BAZ2B: variants seen among roughly 807,000 people sequenced by gnomAD.
BAZ2B encodes bromodomain adjacent to zinc finger domain protein 2B.
In BAZ2B, 91 loss-of-function variants were observed where a neutral mutation model predicts 246.0. That is an observed-to-expected ratio of 0.37 (90% confidence interval 0.31 to 0.44). The LOEUF (loss-of-function observed/expected upper bound fraction) is 0.44. BAZ2B is among the 20% of genes least tolerant of loss of function. BAZ2B has a pLI of 1.00. For missense variants in BAZ2B, 2,332 were observed against 2,533.7 expected, an observed-to-expected ratio of 0.92 and a Z score of 1.71; for synonymous variants, 855 against 860.0, an observed-to-expected ratio of 0.99 and a Z score of 0.10.
chr2:159,634,173 GCA>G, the BAZ2B span, among the ~76,000 whole-genome samples: 69 of 152,198 alleles, frequency 4.5e-4, no homozygotes, highest in Non-Finnish European at 2.2e-4. Context: ...TCTAGGAATA[GCA>G]CAGTGTGAGA....
At chr2:159,702,609 G>A in the BAZ2B span, among the ~76,000 whole-genome samples, 6 of 152,138 alleles carry the variant, frequency 3.9e-5, no homozygotes, top group Non-Finnish European at 7.4e-5. Flanking sequence ...ACAAGAAAGT[G>A]AAGCCTAATG....
At position 159,491,742 on chromosome 2, in the gene BAZ2B, A is replaced by T. The variant is rs1038649143; in HGVS notation, c.-2-13021T>A. Among the ~76,000 whole-genome samples the T allele has an allele frequency of 5.5e-4, 81 of 147,530 alleles. 5 individuals are homozygous for T. Among genetic ancestry groups the T allele is most frequent in the Admixed American group, 1.8e-3 (27 of 14,906 alleles). ...TCTCAAAAAAAAAAAAAAAAAAAAA[A>T]AAAAGTCTTCTGTTAAAGGTTATAG... On this transcript the variant is annotated intron_variant, in intron 2 of 36. Coordinates refer to ENST00000392783, the MANE Select transcript of BAZ2B (RefSeq NM_013450.4).
At chr2:159,347,675 AT>A in intron 30 of BAZ2B, 29 bp from the exon 31 acceptor site, 1 of 1,543,944 alleles carries the variant, frequency 6.5e-7, no homozygotes, top group African/African-American at 1.4e-5. Flanking sequence ...TAATTTAAAA[AT>A]CCACTTATTA....
chr2:159,423,345 T>C (rs2069137265), intron 13 of BAZ2B, among the ~76,000 whole-genome samples: 1 of 98,196 alleles, frequency 1.0e-5, no homozygotes, highest in Non-Finnish European at 2.5e-5. Context: ...GAATGGCTAT[T>C]ATTAAAATGT....
intron 2 of BAZ2B, among the ~76,000 whole-genome samples, chr2:159,503,495 A>T (rs2082038984): frequency 6.6e-6 from 1 of 152,150 alleles, no homozygotes; most frequent in Non-Finnish European, 1.5e-5. Flanking sequence ...CTTTCCTGTT[A>T]ATCTTGTGTA....
chr2:159,436,737 C>T (rs777643852), intron 8 of BAZ2B, among the ~76,000 whole-genome samples: 4 of 151,676 alleles, frequency 2.6e-5, no homozygotes, highest in African/African-American at 9.7e-5. Context: ...GGCAACAGAG[C>T]GAGACTCTGT....
In BAZ2B at chr2:159,560,180, T is replaced by C. The variant is rs886622194; in HGVS notation, c.-45-4315A>G. Among the ~76,000 whole-genome samples the C allele has an allele frequency of 9.2e-5, 14 of 152,310 alleles. No homozygotes were observed. The East Asian group carries it at 2.5e-3, about 27-fold the overall frequency. ...CCTACAAACTAAAGATATTTATCCA[T>C]ACCTACTTCAATAAAAAGAGTCAAT... On this transcript the variant is annotated intron_variant, in intron 1 of 36. Coordinates refer to ENST00000392783, the MANE Select transcript of BAZ2B (RefSeq NM_013450.4).
chr2:159,565,233 A>T (rs2090262286), intron 1 of BAZ2B, among the ~76,000 whole-genome samples: 1 of 152,168 alleles, frequency 6.6e-6, no homozygotes, highest in Non-Finnish European at 1.5e-5. Flanking sequence ...AGGACAAAAG[A>T]ATGAATACAG....
chr2:159,630,388 T>C, the BAZ2B span, among the ~76,000 whole-genome samples: 1 of 152,236 alleles, frequency 6.6e-6, no homozygotes, highest in Non-Finnish European at 1.5e-5. Flanking sequence ...ATGAACTTAC[T>C]TGTATGTGAA....
the BAZ2B span, among the ~76,000 whole-genome samples, chr2:159,645,303 T>G: frequency 5.3e-5 from 8 of 151,998 alleles, no homozygotes; most frequent in African/African-American, 1.9e-4. Flanking sequence ...AAATCACCTC[T>G]GCTAAATACC....
chr2:159,383,297 G>A (rs1256874006), intron 24 of BAZ2B, among the ~76,000 whole-genome samples: 2 of 152,088 alleles, frequency 1.3e-5, no homozygotes, highest in Non-Finnish European at 2.9e-5. Context: ...CAAACATTCT[G>A]TTTGTGATAA....
At chr2:159,429,497 C>T (rs899020123) in intron 10 of BAZ2B, among the ~76,000 whole-genome samples, 10 of 151,986 alleles carry the variant, frequency 6.6e-5, no homozygotes, top group African/African-American at 1.9e-4. Context: ...AAAGAAAATA[C>T]AATCCAAGGT....
intron 2 of BAZ2B, among the ~76,000 whole-genome samples, chr2:159,495,185 T>C (rs1480759884): frequency 1.3e-5 from 2 of 152,246 alleles, no homozygotes; most frequent in East Asian, 1.9e-4. Context: ...CCAAAAAATA[T>C]AAAAACATTT....
At chr2:159,372,503 C>T (rs1441557388) in intron 27 of BAZ2B, among the ~76,000 whole-genome samples, 2 of 151,962 alleles carry the variant, frequency 1.3e-5, no homozygotes, top group Non-Finnish European at 2.9e-5. Context: ...AGAAATGGAG[C>T]CAGCGAAAGA....
chr2:159,347,462 T>C, intron 31 of BAZ2B, 24 bp downstream of exon 31: 1 of 1,603,580 alleles, frequency 6.2e-7, no homozygotes, highest in Non-Finnish European at 8.5e-7. Flanking sequence ...CCTAAAAACA[T>C]ATTTTATTCC....
intron 20 of BAZ2B, among the ~76,000 whole-genome samples, chr2:159,392,463 TA>T (rs1272027435): frequency 6.6e-6 from 1 of 152,192 alleles, no homozygotes; most frequent in Non-Finnish European, 1.5e-5. Flanking sequence ...ATTATTTGTT[TA>T]AAGTTGATCT....
chr2:159,570,310 G>A (rs1259399650), intron 1 of BAZ2B, among the ~76,000 whole-genome samples: 3 of 151,242 alleles, frequency 2.0e-5, no homozygotes, highest in Admixed American at 6.6e-5. Context: ...TCAGCCTCCC[G>A]AGCAGTTGGG....
chr2:159,321,150 A>C (rs190946354), intron 36 of BAZ2B, among the ~76,000 whole-genome samples: 2 of 152,246 alleles, frequency 1.3e-5, no homozygotes, highest in African/African-American at 4.8e-5. Context: ...ATGAATCTGC[A>C]TAAGCTTATT....
At chr2:159,423,888 G>A (rs1245862444) in intron 13 of BAZ2B, among the ~76,000 whole-genome samples, 1 of 152,140 alleles carries the variant, frequency 6.6e-6, no homozygotes, top group Non-Finnish European at 1.5e-5. Flanking sequence ...CGGGGGATGG[G>A]GCTGAAGGTT....
Sources: gnomAD v4.1 joint callset for allele counts (sites outside exome capture counted in the v4.1 genomes callset) on GRCh38, gnomAD v4.1.1 for gene constraint, MANE v1.5 for transcripts, NCBI Gene and HGNC (gene_info 2026-07-23, HGNC 2026-07-21) for gene names.